CDH4: variants seen among roughly 807,000 people sequenced by gnomAD.
CDH4 encodes the protein cadherin-4.
A neutral mutation model predicts 86.0 loss-of-function variants in CDH4; 33 were observed. The ratio of observed to expected loss-of-function variants is 0.38; its 90% CI spans 0.29 to 0.51. The LOEUF is 0.51. Ranked by LOEUF, CDH4 falls within the 20% of genes least tolerant of loss-of-function variation. The pLI, the probability that CDH4 is intolerant of heterozygous loss-of-function variation, is 0.86. For synonymous variants in CDH4, 555 were observed against 549.4 expected, an observed-to-expected ratio of 1.01 and a Z score of -0.14; for missense variants, 1,114 against 1,307.4, an observed-to-expected ratio of 0.85 and a Z score of 2.28.
At chr20:61,627,435 G>A (rs2086839188) in intron 2 of CDH4, among the ~76,000 whole-genome samples, 1 of 152,166 alleles carries the variant, frequency 6.6e-6, no homozygotes, top group African/African-American at 2.4e-5. Flanking sequence ...GTGCTCTGTG[G>A]GGTGTTCCGC....
At chr20:61,892,264 C>T (rs933697702) in intron 7 of CDH4, among the ~76,000 whole-genome samples, 1 of 152,240 alleles carries the variant, frequency 6.6e-6, no homozygotes, top group Non-Finnish European at 1.5e-5. Context: ...CCAGGCCCCT[C>T]TGTCATTCCT....
intron 2 of CDH4, among the ~76,000 whole-genome samples, chr20:61,635,043 G>A (rs545615047): frequency 3.3e-5 from 5 of 152,330 alleles, no homozygotes; most frequent in African/African-American, 7.2e-5. Context: ...CCGTCTGCCC[G>A]TGGACACTGG....
intron 4 of CDH4, among the ~76,000 whole-genome samples, chr20:61,773,725 G>C (rs1217764519): frequency 6.6e-6 from 1 of 152,142 alleles, no homozygotes; most frequent in Non-Finnish European, 1.5e-5. Context: ...TCTTCCCTTT[G>C]AAGAAAATTG....
Position 61,703,116 on chromosome 20 carries a change from GGGCCAC to G in CDH4, c.170-40444_170-40439del, listed in dbSNP as rs2087793862. ...TGAATTTACACTCTGGTGGGGCAGG[GGGCCAC>G]GGGATGTTAGAAATGCGGCAGAGAC... is the stretch of plus-strand genomic sequence containing the variant. On this transcript the variant is annotated intron_variant, in intron 2 of 15. Coordinates refer to ENST00000614565, the MANE Select transcript of CDH4 (RefSeq NM_001794.5). This position sits in a 1 kb window ranked among gnomAD's most constrained non-coding sequence, Gnocchi z 4.3. Among the ~76,000 whole-genome samples the G allele has an allele frequency of 6.6e-6, 1 of 152,202 alleles. No individual in the cohort carries two copies. The highest frequency in any genetic ancestry group is 2.1e-4 in the South Asian group (1 of 4,822).
intron 2 of CDH4, among the ~76,000 whole-genome samples, chr20:61,669,953 G>C (rs1420757886): frequency 6.6e-6 from 1 of 152,168 alleles, no homozygotes; most frequent in East Asian, 1.9e-4. Flanking sequence ...GCCTGAGACA[G>C]TGTGGACCCT....
At chr20:61,926,515 G>A (rs2055046287) in intron 11 of CDH4, among the ~76,000 whole-genome samples, 1 of 152,224 alleles carries the variant, frequency 6.6e-6, no homozygotes, top group African/African-American at 2.4e-5. Context: ...CTCTGGTCAG[G>A]GGAAGCGTCT....
intron 4 of CDH4, among the ~76,000 whole-genome samples, chr20:61,831,075 G>C (rs563605665): frequency 3.3e-5 from 5 of 152,124 alleles, no homozygotes; most frequent in African/African-American, 1.2e-4. Context: ...CTCAACTCTT[G>C]GGGGAGCTTT....
chr20:61,585,213 C>T (rs2427164), intron 2 of CDH4, among the ~76,000 whole-genome samples: 10 of 152,238 alleles, frequency 6.6e-5, no homozygotes, highest in Non-Finnish European at 1.3e-4. Flanking sequence ...GCACCATCAG[C>T]ATGGATGGGT....
At chr20:61,611,832 G>A (rs1039936486) in intron 2 of CDH4, among the ~76,000 whole-genome samples, 25 of 152,050 alleles carry the variant, frequency 1.6e-4, no homozygotes, top group African/African-American at 4.6e-4. Flanking sequence ...ACTCTCCCAC[G>A]TCTTGGGCTC....
chr20:61,331,638 C>CCT (rs1568801140), intron 2 of CDH4, among the ~76,000 whole-genome samples: 1 of 23,212 alleles, frequency 4.3e-5, no homozygotes, highest in Non-Finnish European at 9.9e-5. Context: ...CTGCCCCAGA[C>CCT]CCACCTCCCG....
At position 61,405,398 on chromosome 20, in the gene CDH4, C is replaced by T. The variant is rs147458012; in HGVS notation, c.169+150461C>T. On this transcript the variant is annotated intron_variant, in intron 2 of 15. Coordinates refer to ENST00000614565, the MANE Select transcript of CDH4 (RefSeq NM_001794.5). ...GGTGCTGATGTTTTACAGTGCGGCC[C>T]TTTATGATTTTAGGGGCTGTGAGCC... 1.6e-3 allele frequency among the ~76,000 whole-genome samples: 245 copies of T among 152,104 alleles called. 1 individual carries two copies. Among genetic ancestry groups the T allele is most frequent in the East Asian group, 9.7e-3 (50 of 5,166 alleles).
intron 2 of CDH4, among the ~76,000 whole-genome samples, chr20:61,658,879 A>AG (rs1388228746): frequency 3.3e-5 from 5 of 152,156 alleles, no homozygotes; most frequent in African/African-American, 7.2e-5. Context: ...GGACCAGGGT[A>AG]GGGGGGAGTG....
At chr20:61,530,829 A>C (rs1157368330) in intron 2 of CDH4, among the ~76,000 whole-genome samples, 1 of 152,122 alleles carries the variant, frequency 6.6e-6, no homozygotes, top group Non-Finnish European at 1.5e-5. Flanking sequence ...AAGTATCTCC[A>C]GCCTCTTGCA....
chr20:61,725,663 C>T (rs913527009), intron 2 of CDH4, among the ~76,000 whole-genome samples: 1 of 152,092 alleles, frequency 6.6e-6, no homozygotes, highest in Non-Finnish European at 1.5e-5. Flanking sequence ...CAGAAACCAA[C>T]CCTGGACGCC....
chr20:61,507,083 T>C lies in CDH4; in HGVS notation c.170-236480T>C, dbSNP rs117883310. ...CTTTTGAGTGTTTTGTTTTCCTAAATGAGTTTGCAACATGTGTGAGATTGT... is the reference window on the plus strand; with the variant it reads ...CTTTTGAGTGTTTTGTTTTCCTAAACGAGTTTGCAACATGTGTGAGATTGT... On this transcript the variant is annotated intron_variant, in intron 2 of 15. Transcript: ENST00000614565. 9.2e-3 allele frequency among the ~76,000 whole-genome samples: 1,401 copies of C among 152,356 alleles called. 5 individuals are homozygous for C. The highest frequency in any genetic ancestry group is 0.017 in the Middle Eastern group (5 of 294).
chr20:61,316,889 G>A (rs1004844593), intron 2 of CDH4, among the ~76,000 whole-genome samples: 8 of 152,168 alleles, frequency 5.3e-5, no homozygotes, highest in Non-Finnish European at 8.8e-5. Context: ...GTGGGGAGGC[G>A]CCTGGACGTG....
chr20:61,883,638 G>A (rs553494836), intron 7 of CDH4, among the ~76,000 whole-genome samples: 28 of 152,220 alleles, frequency 1.8e-4, no homozygotes, highest in African/African-American at 2.7e-4. Context: ...GCTCAGGCAC[G>A]TGGCCCTCCA....
At chr20:61,471,696 G>T (rs1265771707) in intron 2 of CDH4, among the ~76,000 whole-genome samples, 1 of 151,714 alleles carries the variant, frequency 6.6e-6, no homozygotes, top group African/African-American at 2.4e-5. Context: ...CGTAGGTTTT[G>T]CCATGTTTTG....
At chr20:61,886,166 A>G (rs978883553) in intron 7 of CDH4, among the ~76,000 whole-genome samples, 5 of 152,134 alleles carry the variant, frequency 3.3e-5, no homozygotes, top group South Asian at 2.1e-4. Flanking sequence ...CCATCCCTAG[A>G]TGGTGGCTGG....
Sources: gnomAD v4.1 joint callset for allele counts (sites outside exome capture counted in the v4.1 genomes callset) on GRCh38, gnomAD v4.1.1 for gene constraint, Gnocchi (gnomAD v3.1) non-coding constraint, MANE v1.5 for transcripts, NCBI Gene and HGNC (gene_info 2026-07-23, HGNC 2026-07-21) for gene names.